The following DOCK5 variants were observed in gnomAD, a reference collection of about 807,000 sequenced individuals.
The protein encoded by DOCK5 is dedicator of cytokinesis protein 5.
In DOCK5, 142 loss-of-function variants were observed where a neutral mutation model predicts 251.8. The ratio of observed to expected loss-of-function variants is 0.56; its 90% CI spans 0.49 to 0.65. DOCK5 has a LOEUF of 0.65. DOCK5 is among the 30% of genes least tolerant of loss of function. The pLI is 0.00. For synonymous variants in DOCK5, 842 were observed against 835.5 expected (o/e 1.01, Z -0.13); for missense variants, 2,111 against 2,312.3 (o/e 0.91, Z 1.79).
intron 27 of DOCK5, among the ~76,000 whole-genome samples, chr8:25,354,038 AAAAAAAAAAACAAAC>A (rs1483681724): frequency 9.9e-5 from 9 of 91,266 alleles, no homozygotes; most frequent in African/African-American, 1.4e-4. Context: ...AAAAAAAAAA[AAAAAAAAAAACAAAC>A]AAAAAAAAAA....
At chr8:25,320,783 A>G (rs1035439790) in intron 15 of DOCK5, among the ~76,000 whole-genome samples, 197 bp from the exon 16 acceptor site, 9 of 152,220 alleles carry the variant, frequency 5.9e-5, no homozygotes, top group African/African-American at 1.9e-4. Flanking sequence ...CTCAGAATCT[A>G]TGATAAACAG....
At chr8:25,401,196 GGA>G (rs1801433262) in intron 47 of DOCK5, 130 bp downstream of exon 47, 3 of 1,305,150 alleles carry the variant, frequency 2.3e-6, no homozygotes, top group South Asian at 1.4e-5. Context: ...GAGGCTGGTG[GGA>G]GAGAGTGTGT....
intron 44 of DOCK5, among the ~76,000 whole-genome samples, chr8:25,394,568 G>T (rs1223013844): frequency 1.3e-5 from 2 of 152,030 alleles, no homozygotes; most frequent in African/African-American, 4.8e-5. Context: ...CATGGAGGAA[G>T]CATCAAACGT....
At chr8:25,202,723 T>C (rs1262926325) in intron 1 of DOCK5, among the ~76,000 whole-genome samples, 1 of 152,122 alleles carries the variant, frequency 6.6e-6, no homozygotes, top group Non-Finnish European at 1.5e-5. Flanking sequence ...AAAGCTGAAT[T>C]TCTAAATTAG....
chr8:25,205,287 C>T (rs1801975386), intron 1 of DOCK5, among the ~76,000 whole-genome samples: 1 of 152,120 alleles, frequency 6.6e-6, no homozygotes, highest in East Asian at 1.9e-4. Flanking sequence ...CTGTCTTTCT[C>T]TTTCTCTCTC....
chr8:25,207,028 A>C (rs1404933286), intron 1 of DOCK5, among the ~76,000 whole-genome samples: 1 of 152,188 alleles, frequency 6.6e-6, no homozygotes, highest in Non-Finnish European at 1.5e-5. Flanking sequence ...TTCTGAGGCA[A>C]TTTGAGTGAG....
chr8:25,364,520 T>C, intron 29 of DOCK5, 106 bp from the exon 30 acceptor site: 1 of 768,772 alleles, frequency 1.3e-6, no homozygotes, highest in Non-Finnish European at 2.2e-6. Flanking sequence ...TATGAGGTCT[T>C]ATGATGCCAA....
chr8:25,312,154 T>C (rs932184859), intron 13 of DOCK5, among the ~76,000 whole-genome samples: 1 of 152,158 alleles, frequency 6.6e-6, no homozygotes, highest in Non-Finnish European at 1.5e-5. Context: ...TACATAGCTA[T>C]TTTACCCTGA....
Position 25,369,567 on chromosome 8 carries a change from G to C in DOCK5, c.3450G>C (p.Glu1150Asp). 6.2e-7 allele frequency: 1 copy of C among 1,610,316 alleles called. No individual in the cohort carries two copies. The highest frequency in any genetic ancestry group is 1.1e-5 in the South Asian group (1 of 90,106). The stretch of plus-strand genomic sequence containing the variant: ...GCCTCTACTTTCAGTTTGAGAATGA[G>C]CTGATCACAAAGCTGGACCAGGAGG... ...GNGNFHMFEN[E>D]LITKLDQEVE... The change falls in exon 34 of 52, where the codon GAG becomes GAC. Residue 1150 changes from glutamate to aspartate, a missense_variant. This residue lies in a region of DOCK5 where 1,717 missense variants were observed against 1,892.4 expected (regional missense o/e 0.91). Coordinates refer to ENST00000276440, the MANE Select transcript of DOCK5 (RefSeq NM_024940.8).
intron 26 of DOCK5, among the ~76,000 whole-genome samples, chr8:25,345,882 C>A (rs1159963057): frequency 1.3e-5 from 2 of 151,986 alleles, no homozygotes; most frequent in African/African-American, 2.4e-5. Flanking sequence ...GGGAGTCTCG[C>A]TCTGTCGCCC....
chr8:25,250,109 G>C (rs887568771), intron 2 of DOCK5, among the ~76,000 whole-genome samples: 10 of 152,260 alleles, frequency 6.6e-5, no homozygotes, highest in African/African-American at 2.4e-4. Flanking sequence ...TGGGTCATAG[G>C]GTAACTCAAT....
At chr8:25,358,403 G>T (rs973053722) in intron 27 of DOCK5, among the ~76,000 whole-genome samples, 1 of 152,104 alleles carries the variant, frequency 6.6e-6, no homozygotes, top group Non-Finnish European at 1.5e-5. Context: ...ACCTCCCACT[G>T]GGCCCCTCCC....
At chr8:25,380,553 A>T (rs1160029901) in intron 39 of DOCK5, among the ~76,000 whole-genome samples, 159 bp downstream of exon 39, 1 of 152,216 alleles carries the variant, frequency 6.6e-6, no homozygotes, top group African/African-American at 2.4e-5. Flanking sequence ...TGTAGTCCAA[A>T]GGCTCTGATC....
In DOCK5 at chr8:25,333,727, G is replaced by A. The variant is rs550935870; in HGVS notation, c.2092-369G>A. Among the ~76,000 whole-genome samples, 7 of 152,272 alleles carry A rather than the reference G, an allele frequency of 4.6e-5. No homozygotes were observed. The South Asian group carries it at 8.3e-4, about 18-fold the overall frequency. On this transcript the variant is annotated intron_variant, in intron 20 of 51. Transcript: ENST00000276440. ...GTGTACACAGGAGAAAAATGTCATG[G>A]AATGTTTCATTAGCTGCATCCTTGG... is the stretch of plus-strand genomic sequence containing the variant.
chr8:25,415,550 G>A lies in DOCK5; in HGVS notation c.*4252G>A, dbSNP rs1175589174. On this transcript the variant is annotated 3_prime_UTR_variant, in exon 52 of 52. Coordinates refer to ENST00000276440, the MANE Select transcript of DOCK5 (RefSeq NM_024940.8). ...TCATCTACTATTAGCCATATTTTGT[G>A]AGTCGTTTGTCTAAACTTTGTCAAA... 1 of 152,144 alleles carries A rather than the reference G, an allele frequency of 6.6e-6. No homozygotes were observed. Among genetic ancestry groups the A allele is most frequent in the Non-Finnish European group, 1.5e-5 (1 of 68,024 alleles). 9.4% of individuals were successfully genotyped at this position (152,144 alleles called of 1,614,324 possible). A position where few individuals can be genotyped will look rare whatever the true frequency, so the allele number is the denominator to read the frequency against.
chr8:25,259,037 T>A (rs1429054777), intron 2 of DOCK5, among the ~76,000 whole-genome samples: 1 of 152,176 alleles, frequency 6.6e-6, no homozygotes, highest in Non-Finnish European at 1.5e-5. Flanking sequence ...GAGAATTGCT[T>A]GAGCCCGGGG....
At chr8:25,266,101 G>T (rs566495572) in intron 2 of DOCK5, among the ~76,000 whole-genome samples, 4 of 151,774 alleles carry the variant, frequency 2.6e-5, no homozygotes, top group African/African-American at 9.7e-5. Context: ...ATCCCCTCAC[G>T]ATTCCCTTTA....
intron 5 of DOCK5, among the ~76,000 whole-genome samples, chr8:25,281,200 G>A (rs571954555): frequency 6.6e-6 from 1 of 152,010 alleles, no homozygotes; most frequent in Non-Finnish European, 1.5e-5. Context: ...GCTGAGGACG[G>A]CGGATCACTT....
intron 40 of DOCK5, among the ~76,000 whole-genome samples, chr8:25,384,166 A>G (rs1801118309): frequency 6.6e-6 from 1 of 152,192 alleles, no homozygotes; most frequent in African/African-American, 2.4e-5. Flanking sequence ...TAGGTAAAAG[A>G]AGTTACACTT....
Sources: gnomAD v4.1 joint callset for allele counts (sites outside exome capture counted in the v4.1 genomes callset) on GRCh38, gnomAD v4.1.1 for gene constraint, gnomAD v4.1.1 regional missense constraint, MANE v1.5 for transcripts, NCBI Gene and HGNC (gene_info 2026-07-23, HGNC 2026-07-21) for gene names.